The following PLEKHM3 variants were observed in gnomAD, a reference collection of about 807,000 sequenced individuals.
PLEKHM3 encodes the protein pleckstrin homology domain-containing family M member 3.
PLEKHM3 carries 45 observed loss-of-function variants against 81.8 expected under a neutral mutation model. That is an observed-to-expected ratio of 0.55 (90% confidence interval 0.43 to 0.71). PLEKHM3 has a LOEUF of 0.71. PLEKHM3 is among the 30% of genes least tolerant of loss of function. The probability of loss-of-function intolerance (pLI) is 0.00; values close to 1 mark genes in which losing one functional copy is unlikely to be tolerated. For synonymous variants in PLEKHM3, 352 were observed against 356.4 expected, an observed-to-expected ratio of 0.99 and a Z score of 0.14; for missense variants, 788 against 924.3, an observed-to-expected ratio of 0.85 and a Z score of 1.91.
intron 6 of PLEKHM3, among the ~76,000 whole-genome samples, chr2:207,894,104 A>T (rs1434436855): frequency 6.6e-6 from 1 of 152,172 alleles, no homozygotes; most frequent in Non-Finnish European, 1.5e-5. Flanking sequence ...TGACAGAGAG[A>T]GTCCTGGTCT....
intron 2 of PLEKHM3, among the ~76,000 whole-genome samples, chr2:207,980,546 T>C (rs1460423244): frequency 6.6e-6 from 1 of 152,142 alleles, no homozygotes; most frequent in Non-Finnish European, 1.5e-5. Flanking sequence ...CTGTGAATCC[T>C]AGAATCCTAG....
At chr2:207,838,039 T>C (rs2092330526) in intron 7 of PLEKHM3, among the ~76,000 whole-genome samples, 1 of 152,074 alleles carries the variant, frequency 6.6e-6, no homozygotes. Flanking sequence ...CCCAAAGTGC[T>C]GGGATTACAG....
At chr2:207,896,276 T>C (rs1688219506) in intron 6 of PLEKHM3, among the ~76,000 whole-genome samples, 1 of 152,242 alleles carries the variant, frequency 6.6e-6, no homozygotes, top group Non-Finnish European at 1.5e-5. Context: ...TACATGCCTG[T>C]GGTCCTCTTC....
intron 1 of PLEKHM3, chr2:208,019,769 C>T (rs373302353): frequency 2.6e-5 from 4 of 152,354 alleles, no homozygotes; most frequent in African/African-American, 9.6e-5. Flanking sequence ...GGCCTGTTTA[C>T]TGTCTGTCTC....
chr2:207,916,669 A>T (rs1689002795), intron 5 of PLEKHM3, among the ~76,000 whole-genome samples: 3 of 152,010 alleles, frequency 2.0e-5, no homozygotes, highest in African/African-American at 7.3e-5. Context: ...AATCACTTGA[A>T]CCCAGGAGGC....
chr2:208,004,470 T>C (rs112999789), intron 1 of PLEKHM3, among the ~76,000 whole-genome samples: 35 of 152,110 alleles, frequency 2.3e-4, no homozygotes, highest in African/African-American at 8.0e-4. Context: ...GTTGGTGGAA[T>C]ACTTCTAACC....
At chr2:208,003,089 C>T (rs760189612) in intron 1 of PLEKHM3, among the ~76,000 whole-genome samples, 2 of 152,182 alleles carry the variant, frequency 1.3e-5, no homozygotes, top group South Asian at 2.1e-4. Context: ...GGGAGGTAAT[C>T]GAATCGTGGG....
At chr2:207,865,548 C>T (rs1303908218) in intron 6 of PLEKHM3, among the ~76,000 whole-genome samples, 1 of 151,420 alleles carries the variant, frequency 6.6e-6, no homozygotes, top group Non-Finnish European at 1.5e-5. Flanking sequence ...GAGGTCGAAG[C>T]GGGCAGATCA....
At chr2:207,867,544 T>C (rs915380854) in intron 6 of PLEKHM3, among the ~76,000 whole-genome samples, 10 of 152,158 alleles carry the variant, frequency 6.6e-5, no homozygotes, top group African/African-American at 2.2e-4. Flanking sequence ...CATCCTAGCA[T>C]CTGGTCCAGA....
chr2:207,930,897 G>C, intron 5 of PLEKHM3, 29 bp downstream of exon 5: 1 of 1,601,676 alleles, frequency 6.2e-7, no homozygotes, highest in Non-Finnish European at 8.5e-7. Context: ...AAAAACAAAC[G>C]GGAGCCGTCT....
intron 6 of PLEKHM3, chr2:207,868,686 C>G (rs1192341758): frequency 6.6e-6 from 1 of 152,162 alleles, no homozygotes; most frequent in Non-Finnish European, 1.5e-5. Flanking sequence ...TTATCCCAAT[C>G]TAAATAGAGA....
rs1188637483 is a variant in PLEKHM3, at chr2:208,003,628, GAAGC to G, written c.-318-1675_-318-1672del. ...GATATTTATTATGTTAGTACTTCAT[GAAGC>G]AAGGCACAGATTTATTTTTAGAGAT... On this transcript the variant is annotated intron_variant, in intron 1 of 7. Coordinates refer to ENST00000427836, the MANE Select transcript of PLEKHM3 (RefSeq NM_001080475.3). Among the ~76,000 whole-genome samples the G allele has an allele frequency of 2.0e-5, 3 of 152,294 alleles. No homozygotes were observed. In the East Asian group the frequency reaches 5.8e-4, roughly 29 times the overall value.
At chr2:207,910,854 A>C (rs1311274055) in intron 5 of PLEKHM3, among the ~76,000 whole-genome samples, 1 of 152,106 alleles carries the variant, frequency 6.6e-6, no homozygotes, top group East Asian at 1.9e-4. Flanking sequence ...CGGACAGTGA[A>C]AGGAATGAGT....
At chr2:207,905,179 C>T (rs1348080261) in intron 6 of PLEKHM3, among the ~76,000 whole-genome samples, 1 of 152,196 alleles carries the variant, frequency 6.6e-6, no homozygotes, top group Admixed American at 6.5e-5. Flanking sequence ...GAGTCACTTG[C>T]TTTAGTTTAT....
intron 1 of PLEKHM3, among the ~76,000 whole-genome samples, chr2:208,007,322 T>C (rs144288444): frequency 2.0e-5 from 3 of 152,278 alleles, no homozygotes; most frequent in African/African-American, 4.8e-5. Flanking sequence ...AGTTACATAA[T>C]GTGAAGGACA....
rs565803376 is a variant in PLEKHM3 at position 207,942,175 on chromosome 2, A to C, written c.1692+4192T>G. On this transcript the variant is annotated intron_variant, in intron 4 of 7. Coordinates refer to ENST00000427836, the MANE Select transcript of PLEKHM3 (RefSeq NM_001080475.3). Reference sequence around the variant, plus strand: ...CAACTTAAGTGCCCATCAATGGACAAATGGATAATGTGGTATATATGCACA... The same window carrying C: ...CAACTTAAGTGCCCATCAATGGACACATGGATAATGTGGTATATATGCACA... Among the ~76,000 whole-genome samples the C allele has an allele frequency of 3.3e-5, 5 of 152,336 alleles. No individual in the cohort carries two copies. The East Asian group carries it at 9.6e-4, about 29-fold the overall frequency.
At chr2:207,935,897 C>T (rs751092617) in intron 4 of PLEKHM3, among the ~76,000 whole-genome samples, 10 of 152,126 alleles carry the variant, frequency 6.6e-5, no homozygotes, top group Non-Finnish European at 1.3e-4. Context: ...ATGTAGGATC[C>T]CATTTGATTT....
chr2:208,014,493 A>G (rs1437287784), intron 1 of PLEKHM3, among the ~76,000 whole-genome samples: 2 of 152,178 alleles, frequency 1.3e-5, no homozygotes, highest in African/African-American at 4.8e-5. Context: ...AAAATACAAA[A>G]GTTAGCTGGC....
chr2:207,988,543 G>C (rs1691798144), intron 2 of PLEKHM3, among the ~76,000 whole-genome samples: 1 of 152,108 alleles, frequency 6.6e-6, no homozygotes, highest in South Asian at 2.1e-4. Context: ...CCTTGCTATA[G>C]CAGACCCTTC....
Sources: gnomAD v4.1 joint callset for allele counts (sites outside exome capture counted in the v4.1 genomes callset) on GRCh38, gnomAD v4.1.1 for gene constraint, MANE v1.5 for transcripts, NCBI Gene and HGNC (gene_info 2026-07-23, HGNC 2026-07-21) for gene names.